The following ACOT7 variants were observed in gnomAD, a reference collection of about 807,000 sequenced individuals.
ACOT7 encodes cytosolic acyl coenzyme A thioester hydrolase.
Under a neutral mutation model 40.2 loss-of-function variants are expected in ACOT7, and 12 were observed. That is an observed-to-expected ratio of 0.30 (90% confidence interval 0.19 to 0.48). ACOT7 has a LOEUF of 0.48. Ranked by LOEUF, ACOT7 falls within the 20% of genes least tolerant of loss-of-function variation. ACOT7 has a pLI of 0.99. For missense variants in ACOT7, 395 were observed against 530.8 expected, an observed-to-expected ratio of 0.74 and a Z score of 2.51; for synonymous variants, 228 against 219.5, an observed-to-expected ratio of 1.04 and a Z score of -0.34.
intron 7 of ACOT7, among the ~76,000 whole-genome samples, chr1:6,287,337 C>T (rs1639532959): frequency 6.6e-6 from 1 of 152,262 alleles, no homozygotes; most frequent in Non-Finnish European, 1.5e-5. Flanking sequence ...GCTGCTGGGC[C>T]TGCCCTCCCA....
rs558773566 is a variant in ACOT7 at position 6,338,805 on chromosome 1, C to G, written c.418+628G>C. Among the ~76,000 whole-genome samples the G allele has an allele frequency of 1.3e-5, 2 of 152,138 alleles. No homozygotes were observed. The highest frequency in any genetic ancestry group is 4.8e-5 in the African/African-American group (2 of 41,414). On this transcript the variant is annotated intron_variant, in intron 3 of 8. Transcript: ENST00000361521. This position sits in a 1 kb window ranked among gnomAD's most constrained non-coding sequence, Gnocchi z 4.4. ...GGCAGGGGAAGAGGCCCGCCTTCCC[C>G]CTCACCTCCCGTCCCCAGCCTGGGT... is the stretch of plus-strand genomic sequence containing the variant.
intron 5 of ACOT7, 44 bp from the exon 6 acceptor site, chr1:6,318,622 TC>T: frequency 6.3e-7 from 1 of 1,593,240 alleles, no homozygotes; most frequent in Non-Finnish European, 8.6e-7. Flanking sequence ...GTAGGCTGAT[TC>T]CCACAGCTGA....
At chr1:6,308,333 G>T (rs911787657) in intron 6 of ACOT7, among the ~76,000 whole-genome samples, 44 of 150,760 alleles carry the variant, frequency 2.9e-4, no homozygotes, top group Non-Finnish European at 5.5e-4. Context: ...CGGGCAGAGG[G>T]AACCACAACA....
chr1:6,349,915 G>A, intron 1 of ACOT7, 49 bp from the exon 2 acceptor site: 1 of 1,567,984 alleles, frequency 6.4e-7, no homozygotes, highest in Non-Finnish European at 8.8e-7. Context: ...GATGCCATTT[G>A]TGCAACAGTG....
At chr1:6,313,988 G>A (rs533482783) in intron 6 of ACOT7, among the ~76,000 whole-genome samples, 25 of 152,278 alleles carry the variant, frequency 1.6e-4, no homozygotes, top group East Asian at 1.5e-3. Context: ...CAACCCAGGC[G>A]AGTGCAAAGG....
chr1:6,308,831 AG>A (rs1640250051), intron 6 of ACOT7, among the ~76,000 whole-genome samples: 1 of 152,240 alleles, frequency 6.6e-6, no homozygotes, highest in South Asian at 2.1e-4. Context: ...GACTGGGCGG[AG>A]GGAACAGCGA....
chr1:6,286,043 T>C (rs1189890427), intron 7 of ACOT7, among the ~76,000 whole-genome samples: 1 of 152,144 alleles, frequency 6.6e-6, no homozygotes, highest in Non-Finnish European at 1.5e-5. Flanking sequence ...GCAGTGCCAG[T>C]ACCTGCCATA....
intron 6 of ACOT7, among the ~76,000 whole-genome samples, chr1:6,316,559 C>CA (rs1473909265): frequency 6.6e-6 from 1 of 152,222 alleles, no homozygotes; most frequent in African/African-American, 2.4e-5. Flanking sequence ...CCTGTGATCC[C>CA]AGCACTTTGG....
chr1:6,367,199 A>C (rs1359095364), intron 1 of ACOT7, among the ~76,000 whole-genome samples: 1 of 141,872 alleles, frequency 7.0e-6, no homozygotes, highest in African/African-American at 2.6e-5. Flanking sequence ...ACTCCATTTC[A>C]AAAAAAAAAA....
intron 1 of ACOT7, among the ~76,000 whole-genome samples, chr1:6,389,790 A>G (rs1389469705): frequency 6.7e-6 from 1 of 149,714 alleles, no homozygotes; most frequent in Admixed American, 6.6e-5. Flanking sequence ...AAAAAAAAAA[A>G]GAAAGAAAAA....
chr1:6,347,662 G>A (rs555340594), intron 2 of ACOT7, among the ~76,000 whole-genome samples: 233 of 152,128 alleles, frequency 1.5e-3, no homozygotes, highest in Non-Finnish European at 3.0e-3. Context: ...AGCTGCTCGG[G>A]AAGCTGAGGC....
At position 6,352,728 on chromosome 1, in the gene ACOT7, G is replaced by A. The variant is rs575572539; in HGVS notation, c.144-2862C>T. Among the ~76,000 whole-genome samples, 16 of 150,464 alleles carry A rather than the reference G, an allele frequency of 1.1e-4. No individual in the cohort carries two copies. The East Asian group carries it at 3.2e-3, about 30-fold the overall frequency. ...CTCCCGAGTAGCTGGCACTACAGGC[G>A]CCCGCCACCACGCCCGGCTAATTTT... On this transcript the variant is annotated intron_variant, in intron 1 of 8. Transcript: ENST00000361521. The surrounding 1 kb of genome is among the most constrained non-coding windows in gnomAD (Gnocchi z 4.5).
chr1:6,305,064 G>T (rs1434084216), intron 6 of ACOT7, among the ~76,000 whole-genome samples: 1 of 146,106 alleles, frequency 6.8e-6, no homozygotes, highest in African/African-American at 2.5e-5. Flanking sequence ...CGGCTGGCCG[G>T]GCGGGGGGCT....
rs1334178569 is a variant in ACOT7, at chr1:6,311,986, G to A, written c.712+6506C>T. On this transcript the variant is annotated intron_variant, in intron 6 of 8. Coordinates refer to ENST00000361521, the MANE Select transcript of ACOT7 (RefSeq NM_007274.4). This position sits in a 1 kb window ranked among gnomAD's most constrained non-coding sequence, Gnocchi z 5.2. The stretch of plus-strand genomic sequence containing the variant: ...AGTGACCTTAATAGGCAGCAGAGAC[G>A]AGGTCACAGATCCAACCTCTCAGGG... 6.6e-6 allele frequency among the ~76,000 whole-genome samples: 1 copy of A among 152,180 alleles called. No individual in the cohort carries two copies. The highest frequency in any genetic ancestry group is 1.5e-5 in the Non-Finnish European group (1 of 68,028).
chr1:6,386,499 G>A (rs569788175), intron 1 of ACOT7, among the ~76,000 whole-genome samples: 3 of 152,164 alleles, frequency 2.0e-5, no homozygotes, highest in Admixed American at 1.3e-4. Flanking sequence ...AGCAAATCCC[G>A]GATTTCCCAG....
At chr1:6,302,130 C>T (rs900651947) in intron 6 of ACOT7, among the ~76,000 whole-genome samples, 1 of 152,116 alleles carries the variant, frequency 6.6e-6, no homozygotes, top group Non-Finnish European at 1.5e-5. Context: ...GACTCACGAG[C>T]GGTGGGAAAT....
intron 1 of ACOT7, among the ~76,000 whole-genome samples, chr1:6,382,482 G>T (rs912101355): frequency 1.3e-5 from 2 of 151,818 alleles, no homozygotes; most frequent in African/African-American, 4.8e-5. Context: ...ATAGTGAGAC[G>T]TAGTGGGTGA....
At chr1:6,377,755 C>A (rs1274596963) in intron 1 of ACOT7, among the ~76,000 whole-genome samples, 1 of 152,164 alleles carries the variant, frequency 6.6e-6, no homozygotes, top group African/African-American at 2.4e-5. Context: ...AAGAAACACA[C>A]AAACATCAAA....
At chr1:6,333,390 C>T (rs1442090386) in intron 4 of ACOT7, 87 bp downstream of exon 4, 2 of 1,480,564 alleles carry the variant, frequency 1.4e-6, no homozygotes, top group East Asian at 2.3e-5. Flanking sequence ...CCTTGAGACC[C>T]TTAGCTGAAC....
Sources: allele counts gnomAD v4.1 joint callset (sites outside exome capture counted in the v4.1 genomes callset), GRCh38; gene constraint gnomAD v4.1.1; non-coding constraint Gnocchi (gnomAD v3.1); transcripts MANE v1.5; gene names NCBI Gene and HGNC (gene_info 2026-07-23, HGNC 2026-07-21).